The following PEX1 variants were observed in gnomAD, a reference collection of about 807,000 sequenced individuals.
PEX1 encodes peroxisomal ATPase PEX1.
PEX1 carries 97 observed loss-of-function variants against 152.5 expected under a neutral mutation model. The ratio of observed to expected loss-of-function variants is 0.64; its 90% CI spans 0.54 to 0.75. PEX1 has a LOEUF of 0.75. Ranked by LOEUF, PEX1 falls within the 30% of genes least tolerant of loss-of-function variation. PEX1 has a pLI of 0.00. For synonymous variants in PEX1, 485 were observed against 531.6 expected, an observed-to-expected ratio of 0.91 and a Z score of 1.21; for missense variants, 1,357 against 1,516.3, an observed-to-expected ratio of 0.89 and a Z score of 1.74.
chr7:92,512,906 C>T (rs891553637), intron 6 of PEX1, among the ~76,000 whole-genome samples: 4 of 152,142 alleles, frequency 2.6e-5, no homozygotes, highest in African/African-American at 9.7e-5. Context: ...GCTAGGATTA[C>T]AGGTGTGAGC....
rs2075434480 is a variant in PEX1, at chr7:92,506,256, GC to G, written c.1891del (p.Ala631LeufsTer14). 1 of 1,576,492 alleles carries G rather than the reference GC, an allele frequency of 6.3e-7. No homozygotes were observed. Among genetic ancestry groups the G allele is most frequent in the Non-Finnish European group, 8.7e-7 (1 of 1,146,000 alleles). Reference sequence around the variant, plus strand: ...TGTTACCATACTCATACCTCGTAAAGCTTTACAGTCAACTCTCTCCACATGG... The same window carrying G: ...TGTTACCATACTCATACCTCGTAAAGTTTACAGTCAACTCTCTCCACATGG... ...DAHVERVDCK[A>X]LRGKRLENIQ... On this transcript the variant is annotated frameshift_variant, in exon 11 of 24. Coordinates refer to ENST00000248633, the MANE Select transcript of PEX1 (RefSeq NM_000466.3). LOFTEE classifies it high-confidence loss of function.
At position 92,499,702 on chromosome 7, in the gene PEX1, A is replaced by T; in HGVS notation, c.2718+2T>A. ...AAAAAAGAAGATAAGTAGACAACAT[A>T]CCTTGACACTTATAAAATTCATTCT... On this transcript the variant is annotated splice_donor_variant, in intron 16 of 23. Transcript: ENST00000248633. LOFTEE classifies it high-confidence loss of function. The T allele has an allele frequency of 6.2e-7, 1 of 1,610,144 alleles. No homozygotes were observed. Among genetic ancestry groups the T allele is most frequent in the Non-Finnish European group, 8.5e-7 (1 of 1,176,508 alleles).
At chr7:92,527,139 T>TC (rs1240855596) in intron 1 of PEX1, among the ~76,000 whole-genome samples, 1 of 152,168 alleles carries the variant, frequency 6.6e-6, no homozygotes, top group Non-Finnish European at 1.5e-5. Context: ...TATAAGTACT[T>TC]CCCGAAGGCT....
At chr7:92,487,965 C>T (rs2116026665) in intron 23 of PEX1, among the ~76,000 whole-genome samples, 1 of 152,246 alleles carries the variant, frequency 6.6e-6, no homozygotes, top group East Asian at 1.9e-4. Flanking sequence ...AATGTGAGCT[C>T]CCTGTTATAC....
intron 11 of PEX1, 71 bp downstream of exon 11, chr7:92,506,177 C>T: frequency 2.4e-6 from 2 of 836,810 alleles, no homozygotes; most frequent in Admixed American, 1.7e-5. Flanking sequence ...ATTAGATTGA[C>T]AGCATTATGT....
intron 2 of PEX1, among the ~76,000 whole-genome samples, chr7:92,520,360 G>C (rs1231224187): frequency 6.6e-6 from 1 of 152,174 alleles, no homozygotes; most frequent in Non-Finnish European, 1.5e-5. Context: ...CAACAATTTA[G>C]AGTATGCAAG....
At chr7:92,502,115 G>A (rs758388049) in intron 13 of PEX1, 36 bp from the exon 14 acceptor site, 1 of 1,328,650 alleles carries the variant, frequency 7.5e-7, no homozygotes, top group Admixed American at 1.8e-5. Context: ...ATTTCCAATT[G>A]TATTCAACTG....
chr7:92,499,856 A>G lies in PEX1; in HGVS notation c.2584-18T>C, dbSNP rs760551934. The G allele has an allele frequency of 4.4e-6, 7 of 1,595,958 alleles. No homozygotes were observed. The highest frequency in any genetic ancestry group is 5.1e-6 in the Non-Finnish European group (6 of 1,165,518). ...TCTGGATACTGAGAAACAAAAAAAAAAAATATGAAAAAGAGCTCAAGTCTA... is the reference window on the plus strand; with the variant it reads ...TCTGGATACTGAGAAACAAAAAAAAGAAATATGAAAAAGAGCTCAAGTCTA... On this transcript the variant is annotated intron_variant, in intron 15 of 23. Coordinates refer to ENST00000248633, the MANE Select transcript of PEX1 (RefSeq NM_000466.3).
In PEX1 at chr7:92,511,658, A is replaced by G. The variant is rs772649189; in HGVS notation, c.1405T>C (p.Trp469Arg). The G allele has an allele frequency of 3.1e-6, 5 of 1,611,902 alleles. No individual in the cohort carries two copies. Among genetic ancestry groups the G allele is most frequent in the Middle Eastern group, 1.6e-4 (1 of 6,068 alleles). Residue 469 changes from tryptophan (W) to arginine (R), a missense_variant, in exon 7 of 24, where the codon TGG (tryptophan) becomes CGG (arginine). Physicochemically the swap from Trp to Arg is moderately radical, Grantham distance 101. Transcript: ENST00000248633. ...EEDIKTVFYS[W>R]LQQSTTTMLP... ...ATGGTGGTAGTAGACTGCTGTAGCC[A>G]TGAATAAAATACAGTTTTTATGTCT...
At chr7:92,487,886 C>A (rs1488096524) in intron 23 of PEX1, among the ~76,000 whole-genome samples, 3 of 152,120 alleles carry the variant, frequency 2.0e-5, no homozygotes, top group African/African-American at 7.2e-5. Flanking sequence ...AATACTGCAA[C>A]ACACAATGTT....
rs931161275 is a variant in PEX1, at chr7:92,505,375, T to C, written c.1901-473A>G. 4.9e-4 allele frequency among the ~76,000 whole-genome samples: 72 copies of C among 145,708 alleles called. 3 individuals are homozygous for C. Among genetic ancestry groups the C allele is most frequent in the Non-Finnish European group, 1.0e-4 (7 of 67,304 alleles). ...CTATAGTGAGCCGAGATCGCACCACTGCACTCCAGCCTGGGCTACAGAGCA... is the reference window on the plus strand; with the variant it reads ...CTATAGTGAGCCGAGATCGCACCACCGCACTCCAGCCTGGGCTACAGAGCA... On this transcript the variant is annotated intron_variant, in intron 11 of 23. Coordinates refer to ENST00000248633, the MANE Select transcript of PEX1 (RefSeq NM_000466.3).
intron 15 of PEX1, 44 bp downstream of exon 15, chr7:92,501,463 T>C: frequency 1.3e-6 from 2 of 1,529,752 alleles, no homozygotes; most frequent in Non-Finnish European, 9.1e-7. Flanking sequence ...AATACAGTGG[T>C]TCTTCTGGGA....
At chr7:92,504,944 T>G (rs763020254) in intron 11 of PEX1, 42 bp from the exon 12 acceptor site, 5 of 1,464,176 alleles carry the variant, frequency 3.4e-6, no homozygotes, top group Middle Eastern at 1.7e-4. Context: ...ATCATTTCAG[T>G]GCTGGGAAAA....
chr7:92,493,035 A>AT lies in PEX1; in HGVS notation c.3124_3125insA (p.Phe1042TyrfsTer5). The AT allele has an allele frequency of 1.9e-6, 3 of 1,612,898 alleles. No individual in the cohort carries two copies. Among genetic ancestry groups the AT allele is most frequent in the Non-Finnish European group, 2.5e-6 (3 of 1,178,850 alleles). On this transcript the variant is annotated frameshift_variant, in exon 20 of 24. Transcript: ENST00000248633. LOFTEE classifies it high-confidence loss of function. ...TAAAGCTTTCAGATCAGCTCCAGTA[A>AT]AGGAGTCAGTTACTGATGCTACATG...
Position 92,497,039 on chromosome 7 carries a change from T to C in PEX1, c.2719-262A>G, listed in dbSNP as rs180861916. On this transcript the variant is annotated intron_variant, in intron 16 of 23. Transcript: ENST00000248633. ...TAGATCTCTGCCCAAATACCACCTC[T>C]TCAGAAACCCTTTCCTGACAAGTCC... 2.5e-3 allele frequency among the ~76,000 whole-genome samples: 377 copies of C among 152,308 alleles called. 3 individuals are homozygous for C. The highest frequency in any genetic ancestry group is 3.1e-3 in the Non-Finnish European group (211 of 68,038).
At chr7:92,493,178 ATTATC>A (rs1554368285) in intron 19 of PEX1, 49 bp from the exon 20 acceptor site, 11 of 1,003,612 alleles carry the variant, frequency 1.1e-5, no homozygotes. Flanking sequence ...AATTAAAAAT[ATTATC>A]TTAAATTGTG....
intron 6 of PEX1, 58 bp from the exon 7 acceptor site, chr7:92,511,761 C>T: frequency 6.7e-7 from 1 of 1,497,464 alleles, no homozygotes; most frequent in Non-Finnish European, 9.2e-7. Flanking sequence ...ACTTTAACAC[C>T]CTTATTTTAA....
chr7:92,514,354 A>C (rs992337361), intron 5 of PEX1, among the ~76,000 whole-genome samples: 17 of 152,214 alleles, frequency 1.1e-4, no homozygotes, highest in Non-Finnish European at 2.2e-4. Context: ...ATGGATGTTC[A>C]GATATTGTTA....
At position 92,489,776 on chromosome 7, in the gene PEX1, G is replaced by A. The variant is rs1057517467; in HGVS notation, c.3574C>T (p.Gln1192Ter). The change falls in exon 22 of 24, where the codon CAA becomes TAA. Residue 1192 changes from glutamine to a stop codon, truncating the protein, a stop_gained. Transcript: ENST00000248633. LOFTEE classifies it high-confidence loss of function. Reference protein sequence around the residue: ...QEGCQELTQEQRDQLRADISI... With the variant: ...QEGCQELTQE ...ATATCTGCCCTCAGTTGATCTCTTT[G>A]TTCTTGTGTAAGTTCTTGGCAACCC... The A allele has an allele frequency of 2.5e-6, 4 of 1,614,074 alleles. No homozygotes were observed. Among genetic ancestry groups the A allele is most frequent in the Non-Finnish European group, 3.4e-6 (4 of 1,180,012 alleles).
Sources: gnomAD v4.1 joint callset for allele counts (sites outside exome capture counted in the v4.1 genomes callset) on GRCh38, gnomAD v4.1.1 for gene constraint, MANE v1.5 for transcripts, NCBI Gene and HGNC (gene_info 2026-07-23, HGNC 2026-07-21) for gene names.